PPFIA2: variants seen among roughly 807,000 people sequenced by gnomAD.
PPFIA2 encodes the protein liprin-alpha-2.
In PPFIA2, 46 loss-of-function variants were observed where a neutral mutation model predicts 175.5. The observed-to-expected ratio is 0.26, with a 90% confidence interval of 0.21 to 0.34. The LOEUF (loss-of-function observed/expected upper bound fraction) is 0.34, where lower values mean the gene tolerates loss of function less well. Ranked by LOEUF, PPFIA2 falls within the 10% of genes least tolerant of loss-of-function variation. PPFIA2 has a pLI of 1.00. For missense variants in PPFIA2, 1,179 were observed against 1,506.1 expected, an observed-to-expected ratio of 0.78 and a Z score of 3.60; for synonymous variants, 568 against 511.4, an observed-to-expected ratio of 1.11 and a Z score of -1.49.
intron 4 of PPFIA2, among the ~76,000 whole-genome samples, chr12:81,534,032 G>A (rs921756348): frequency 6.6e-6 from 1 of 151,664 alleles, no homozygotes; most frequent in Non-Finnish European, 1.5e-5. Flanking sequence ...GGATGGATAT[G>A]TAGGTCATTA....
rs556757494 is a variant in PPFIA2 at position 81,261,838 on chromosome 12, T to A, written c.*33+111A>T. The A allele has an allele frequency of 1.2e-5, 8 of 660,760 alleles. No homozygotes were observed. In the African/African-American group the frequency reaches 1.5e-4, roughly 12 times the overall value. The allele number at this position is 660,760 out of a possible 1,614,324, so 40.9% of individuals were successfully genotyped here. A position where few individuals can be genotyped will look rare whatever the true frequency, so the allele number is the denominator to read the frequency against. ...CCTGAAGCAATTCAAAAGGGTTATC[T>A]CATTTCTGTACTGCTAGGGCATACC... On this transcript the variant is annotated intron_variant, in intron 32 of 32. Coordinates refer to ENST00000549396, the MANE Select transcript of PPFIA2 (RefSeq NM_003625.5).
At chr12:81,447,048 C>T (rs186783644) in intron 5 of PPFIA2, among the ~76,000 whole-genome samples, 7 of 152,118 alleles carry the variant, frequency 4.6e-5, no homozygotes, top group Admixed American at 4.6e-4. Context: ...CCTGTAATCC[C>T]AGCACTTTGG....
intron 15 of PPFIA2, among the ~76,000 whole-genome samples, chr12:81,362,223 A>G (rs781101262): frequency 6.6e-5 from 10 of 150,412 alleles, no homozygotes; most frequent in Middle Eastern, 3.5e-3. Context: ...CGAAATAGGT[A>G]GATGCTAAGT....
At chr12:81,634,567 C>A (rs1016254170) in intron 4 of PPFIA2, among the ~76,000 whole-genome samples, 2 of 151,940 alleles carry the variant, frequency 1.3e-5, no homozygotes, top group East Asian at 1.9e-4. Context: ...AAAATCAGTT[C>A]ATCACACCAG....
intron 17 of PPFIA2, among the ~76,000 whole-genome samples, chr12:81,351,326 C>T (rs867776686): frequency 6.6e-6 from 1 of 151,882 alleles, no homozygotes; most frequent in Non-Finnish European, 1.5e-5. Flanking sequence ...TATAGTAAGC[C>T]TTTTATATTT....
At chr12:81,487,394 A>T (rs1468792232) in intron 4 of PPFIA2, among the ~76,000 whole-genome samples, 1 of 151,920 alleles carries the variant, frequency 6.6e-6, no homozygotes, top group African/African-American at 2.4e-5. Context: ...GCAAAGTCTT[A>T]CTGGGTTGTT....
At chr12:81,636,289 G>C (rs1315503436) in intron 4 of PPFIA2, among the ~76,000 whole-genome samples, 1 of 135,830 alleles carries the variant, frequency 7.4e-6, no homozygotes, top group African/African-American at 2.8e-5. Context: ...TTTTTGAGAC[G>C]GAGTCTCGCT....
chr12:81,737,203 T>C (rs1424993799), intron 3 of PPFIA2, among the ~76,000 whole-genome samples: 3 of 151,888 alleles, frequency 2.0e-5, no homozygotes, highest in African/African-American at 7.2e-5. Flanking sequence ...TTTTCCCTAG[T>C]TGTGGAAAAA....
At chr12:81,692,991 GTTGCT>G in intron 3 of PPFIA2, among the ~76,000 whole-genome samples, 1 of 152,106 alleles carries the variant, frequency 6.6e-6, no homozygotes, top group East Asian at 1.9e-4. Context: ...CTAATTTTTA[GTTGCT>G]GAATATATCA....
chr12:81,315,841 T>C (rs564160682), intron 22 of PPFIA2, among the ~76,000 whole-genome samples: 111 of 151,680 alleles, frequency 7.3e-4, no homozygotes, highest in Non-Finnish European at 1.4e-3. Flanking sequence ...TTCTTACAAA[T>C]GAAAGAAATG....
rs371864453 is a variant in PPFIA2, at chr12:81,365,194, G to C, written c.1545+1914C>G. Among the ~76,000 whole-genome samples the C allele has an allele frequency of 5.1e-4, 78 of 151,904 alleles. 1 individual carries two copies. The South Asian group carries it at 0.016, about 31-fold the overall frequency. The stretch of plus-strand genomic sequence containing the variant: ...ACTTCAAATTGTAGAGATAAAGATG[G>C]AAAGGGAAACACTGAGAAAAGAGTT... On this transcript the variant is annotated intron_variant, in intron 14 of 32. Coordinates refer to ENST00000549396, the MANE Select transcript of PPFIA2 (RefSeq NM_003625.5).
intron 6 of PPFIA2, among the ~76,000 whole-genome samples, chr12:81,440,368 T>G (rs2049944775): frequency 6.6e-6 from 1 of 152,088 alleles, no homozygotes; most frequent in Non-Finnish European, 1.5e-5. Context: ...AAGTATATTA[T>G]GAATTCATCT....
chr12:81,350,968 G>T (rs536843164), intron 17 of PPFIA2, among the ~76,000 whole-genome samples: 289 of 152,232 alleles, frequency 1.9e-3, no homozygotes, highest in African/African-American at 6.5e-3. Context: ...GTTAAGAATG[G>T]TTTGTTGATA....
At chr12:81,505,921 G>A (rs537254386) in intron 4 of PPFIA2, 1 of 152,220 alleles carries the variant, frequency 6.6e-6, no homozygotes, top group Non-Finnish European at 1.5e-5. Context: ...TACTGAATTG[G>A]ATCTAGATTC....
chr12:81,726,013 A>G (rs2080028466), intron 3 of PPFIA2, among the ~76,000 whole-genome samples: 1 of 150,958 alleles, frequency 6.6e-6, no homozygotes, highest in African/African-American at 2.4e-5. Flanking sequence ...CCTCTCTCAT[A>G]TTCACTTTCA....
At chr12:81,637,786 ATT>A (rs1045648747) in intron 4 of PPFIA2, among the ~76,000 whole-genome samples, 1 of 152,118 alleles carries the variant, frequency 6.6e-6, no homozygotes, top group East Asian at 1.9e-4. Context: ...CAGTAGACAT[ATT>A]TTTTCTTTGT....
intron 24 of PPFIA2, among the ~76,000 whole-genome samples, chr12:81,287,303 T>A (rs559608127): frequency 1.3e-5 from 2 of 152,106 alleles, no homozygotes; most frequent in South Asian, 4.1e-4. Context: ...CTGTATTAAT[T>A]ATCTCATACT....
intron 4 of PPFIA2, among the ~76,000 whole-genome samples, chr12:81,502,479 T>C (rs1321858781): frequency 6.6e-6 from 1 of 152,172 alleles, no homozygotes; most frequent in Non-Finnish European, 1.5e-5. Flanking sequence ...TGAGTCTTGG[T>C]AGGTCCTAGT....
chr12:81,609,398 T>C (rs1014397991), intron 4 of PPFIA2, among the ~76,000 whole-genome samples: 2 of 152,120 alleles, frequency 1.3e-5, no homozygotes, highest in Non-Finnish European at 2.9e-5. Context: ...CATTACTGTG[T>C]GATTGTCTAA....
Sources: gnomAD v4.1 joint callset for allele counts (sites outside exome capture counted in the v4.1 genomes callset) on GRCh38, gnomAD v4.1.1 for gene constraint, MANE v1.5 for transcripts, NCBI Gene and HGNC (gene_info 2026-07-23, HGNC 2026-07-21) for gene names.